Variants in CLVS1 observed in about 807,000 individuals in gnomAD.
CLVS1 encodes clavesin 1.
In CLVS1, 10 loss-of-function variants were observed where a neutral mutation model predicts 33.1. The observed-to-expected ratio is 0.30, with a 90% CI of 0.19 to 0.51. The LOEUF is 0.51. Ranked by LOEUF, CLVS1 falls within the 20% of genes least tolerant of loss-of-function variation. The probability of loss-of-function intolerance (pLI) is 0.97; values close to 1 mark genes in which losing one functional copy is unlikely to be tolerated. For missense variants in CLVS1, 343 were observed against 433.4 expected, an observed-to-expected ratio of 0.79 and a Z score of 1.85; for synonymous variants, 163 against 166.1, an observed-to-expected ratio of 0.98 and a Z score of 0.14.
At chr8:61,249,741 C>A (rs1361882116) in intron 2 of CLVS1, among the ~76,000 whole-genome samples, 4 of 152,044 alleles carry the variant, frequency 2.6e-5, no homozygotes, top group African/African-American at 9.7e-5. Flanking sequence ...CTGTTCATAT[C>A]CTTTGCCCAG....
chr8:60,996,758 C>T, the CLVS1 span, among the ~76,000 whole-genome samples: 1 of 152,030 alleles, frequency 6.6e-6, no homozygotes, highest in Non-Finnish European at 1.5e-5. Context: ...TGCTCATTGG[C>T]ACCTACCCTT....
chr8:61,422,059 A>G (rs1344152019), intron 3 of CLVS1, among the ~76,000 whole-genome samples: 2 of 151,046 alleles, frequency 1.3e-5, no homozygotes, highest in Non-Finnish European at 2.9e-5. Context: ...GGATGATTCT[A>G]CCTCAGTTCT....
chr8:61,458,138 A>G (rs184796876), intron 4 of CLVS1, among the ~76,000 whole-genome samples, 169 bp from the exon 5 acceptor site: 17 of 152,356 alleles, frequency 1.1e-4, no homozygotes, highest in African/African-American at 3.8e-4. Context: ...TAAGCAATAA[A>G]TTAACATTTT....
chr8:61,471,613 G>A (rs1371173917), intron 5 of CLVS1, among the ~76,000 whole-genome samples: 1 of 152,048 alleles, frequency 6.6e-6, no homozygotes, highest in Non-Finnish European at 1.5e-5. Flanking sequence ...GTTGGGAGCG[G>A]GCCACAGAAA....
intron 2 of CLVS1, among the ~76,000 whole-genome samples, chr8:61,242,033 G>A (rs1029398488): frequency 1.7e-5 from 2 of 115,824 alleles, no homozygotes; most frequent in African/African-American, 8.6e-5. Flanking sequence ...TTATTTCCCT[G>A]TATGTAATAC....
chr8:61,405,950 C>T (rs1418703318), intron 3 of CLVS1, among the ~76,000 whole-genome samples: 1 of 152,156 alleles, frequency 6.6e-6, no homozygotes, highest in African/African-American at 2.4e-5. Context: ...AATTTCTTTG[C>T]ATATACTAAT....
At chr8:61,012,117 G>T in the CLVS1 span, among the ~76,000 whole-genome samples, 1 of 152,218 alleles carries the variant, frequency 6.6e-6, no homozygotes, top group African/African-American at 2.4e-5. Context: ...CTTCTTAGCA[G>T]ATGGCTCTGG....
intron 2 of CLVS1, among the ~76,000 whole-genome samples, chr8:61,170,712 C>T (rs1806976704): frequency 6.6e-6 from 1 of 152,168 alleles, no homozygotes; most frequent in Non-Finnish European, 1.5e-5. Context: ...GTGAGAACCT[C>T]ATGGCATAAT....
At chr8:61,121,403 G>A (rs1805868671) in intron 1 of CLVS1, among the ~76,000 whole-genome samples, 1 of 152,148 alleles carries the variant, frequency 6.6e-6, no homozygotes, top group Middle Eastern at 3.4e-3. Context: ...CTTATTCACC[G>A]GCAACTCTTA....
intron 3 of CLVS1, among the ~76,000 whole-genome samples, chr8:61,389,593 A>G (rs1448758474): frequency 1.3e-5 from 2 of 152,146 alleles, no homozygotes; most frequent in African/African-American, 4.8e-5. Flanking sequence ...CACGAATAAC[A>G]TAAAATTTTG....
intron 2 of CLVS1, among the ~76,000 whole-genome samples, chr8:61,230,132 G>T (rs950863044): frequency 6.6e-6 from 1 of 152,196 alleles, no homozygotes; most frequent in African/African-American, 2.4e-5. Context: ...AAGTGAGAGG[G>T]AGGAATAAAC....
At chr8:61,157,539 G>A (rs1806674251) in intron 2 of CLVS1, among the ~76,000 whole-genome samples, 1 of 152,062 alleles carries the variant, frequency 6.6e-6, no homozygotes, top group Admixed American at 6.6e-5. Context: ...ATTAAAAAGA[G>A]CGAACATTAA....
At chr8:61,359,819 GT>G (rs571723846) in intron 2 of CLVS1, among the ~76,000 whole-genome samples, 3 of 152,252 alleles carry the variant, frequency 2.0e-5, no homozygotes, top group South Asian at 4.1e-4. Flanking sequence ...CCAATTAGAT[GT>G]TTTTTTGCAG....
intron 1 of CLVS1, 150 bp from the exon 2 acceptor site, chr8:61,299,527 A>G: frequency 3.2e-6 from 1 of 313,082 alleles, no homozygotes; most frequent in Non-Finnish European, 5.9e-6. Flanking sequence ...ACTCCATTTT[A>G]AGGATAATTT....
chr8:61,355,841 T>C (rs1332939602), intron 2 of CLVS1, among the ~76,000 whole-genome samples: 3 of 152,166 alleles, frequency 2.0e-5, no homozygotes, highest in East Asian at 1.9e-4. Flanking sequence ...GGTTCCAAGT[T>C]TTTGCTATTG....
the CLVS1 span, among the ~76,000 whole-genome samples, chr8:60,992,807 C>T: frequency 2.6e-5 from 4 of 152,066 alleles, no homozygotes; most frequent in African/African-American, 4.8e-5. Context: ...AGACATGACC[C>T]GTGAGGCAGG....
intron 3 of CLVS1, among the ~76,000 whole-genome samples, chr8:61,398,951 T>C (rs937400763): frequency 2.6e-5 from 4 of 152,358 alleles, no homozygotes; most frequent in African/African-American, 7.2e-5. Context: ...CAGTCTATCA[T>C]TGATGGGCAT....
chr8:61,023,364 G>C, the CLVS1 span, among the ~76,000 whole-genome samples: 1 of 152,206 alleles, frequency 6.6e-6, no homozygotes, highest in Non-Finnish European at 1.5e-5. Context: ...ACACAGCTTG[G>C]AGACGGGGAC....
chr8:61,481,559 C>A (rs59038492), intron 5 of CLVS1, among the ~76,000 whole-genome samples: 2,843 of 152,328 alleles, frequency 0.019, 83 homozygotes, highest in African/African-American at 0.065. Flanking sequence ...TATTCCATGC[C>A]TGGCTTGGAG....
Sources: gnomAD v4.1 joint callset for allele counts (sites outside exome capture counted in the v4.1 genomes callset) on GRCh38, gnomAD v4.1.1 for gene constraint, MANE v1.5 for transcripts, NCBI Gene and HGNC (gene_info 2026-07-23, HGNC 2026-07-21) for gene names.